The following UQCC1 variants were observed in gnomAD, a reference collection of about 807,000 sequenced individuals.
UQCC1 encodes ubiquinol-cytochrome c reductase complex assembly factor 1.
Under a neutral mutation model 48.0 loss-of-function variants are expected in UQCC1, and 38 were observed. That is an observed-to-expected ratio of 0.79 (90% CI 0.61 to 1.04). The LOEUF is 1.04. UQCC1 is among the 50% of genes least tolerant of loss of function. UQCC1 has a pLI of 0.00. For missense variants in UQCC1, 368 were observed against 381.8 expected, an observed-to-expected ratio of 0.96 and a Z score of 0.30; for synonymous variants, 111 against 129.2, an observed-to-expected ratio of 0.86 and a Z score of 0.95.
At chr20:35,317,039 G>A (rs1265381300) in intron 7 of UQCC1, among the ~76,000 whole-genome samples, 1 of 150,842 alleles carries the variant, frequency 6.6e-6, no homozygotes, top group Non-Finnish European at 1.5e-5. Context: ...GGGTTCAGGC[G>A]ATTCTCCTGC....
chr20:35,376,695 T>G (rs1384671962), intron 4 of UQCC1, among the ~76,000 whole-genome samples: 2 of 152,164 alleles, frequency 1.3e-5, no homozygotes, highest in African/African-American at 4.8e-5. Context: ...CCAGGCGCGG[T>G]GGCTCACACC....
chr20:35,321,252 C>CTGTGTGTGTGTG lies in UQCC1; in HGVS notation c.574-6499_574-6488dup, dbSNP rs58532328. ...CAATGATGACAAAATACAAACAAAA[C>CTGTGTGTGTGTG]TGTGTGTGTGTGTGTGTGTGTGTGT... On this transcript the variant is annotated intron_variant, in intron 7 of 9. Transcript: ENST00000374385. Among the ~76,000 whole-genome samples the CTGTGTGTGTGTG allele has an allele frequency of 1.7e-3, 246 of 147,320 alleles. 2 individuals are homozygous for CTGTGTGTGTGTG. The highest frequency in any genetic ancestry group is 2.9e-3 in the Non-Finnish European group (196 of 66,832).
At chr20:35,351,292 G>A (rs1026751889) in intron 6 of UQCC1, among the ~76,000 whole-genome samples, 1 of 151,292 alleles carries the variant, frequency 6.6e-6, no homozygotes, top group Non-Finnish European at 1.5e-5. Context: ...TCGAGACACT[G>A]CGGCAGGAGA....
Position 35,402,708 on chromosome 20 carries a change from G to A in UQCC1, c.25-8512C>T, listed in dbSNP as rs192531467. Among the ~76,000 whole-genome samples, 457 of 152,118 alleles carry A rather than the reference G, an allele frequency of 3.0e-3. 1 individual carries two copies. Among genetic ancestry groups the A allele is most frequent in the Non-Finnish European group, 5.6e-3 (378 of 67,990 alleles). ...CTCAGGAGGCTGAGGCACAAGGATC[G>A]CTTGAACCCGGGAGGCGGAGGTTGC... On this transcript the variant is annotated intron_variant, in intron 1 of 9. Transcript: ENST00000374385.
intron 1 of UQCC1, among the ~76,000 whole-genome samples, chr20:35,399,915 C>T (rs1305045383): frequency 2.1e-5 from 3 of 143,974 alleles, no homozygotes; most frequent in Non-Finnish European, 4.5e-5. Context: ...TCTACTGGCT[C>T]TACTCAGTCC....
intron 9 of UQCC1, among the ~76,000 whole-genome samples, chr20:35,305,576 G>A (rs771600137): frequency 1.3e-5 from 2 of 152,246 alleles, no homozygotes; most frequent in South Asian, 2.1e-4. Context: ...TGGCCATGCC[G>A]TGCCCTCTCC....
chr20:35,309,432 T>C (rs1171113790), intron 8 of UQCC1, among the ~76,000 whole-genome samples: 1 of 149,024 alleles, frequency 6.7e-6, no homozygotes, highest in African/African-American at 2.5e-5. Context: ...GACCCTGTCT[T>C]AGGAAAAAAA....
chr20:35,399,094 C>T (rs576866471), intron 1 of UQCC1, among the ~76,000 whole-genome samples: 12 of 152,254 alleles, frequency 7.9e-5, no homozygotes, highest in African/African-American at 2.9e-4. Flanking sequence ...TCCATTTTCC[C>T]TTATGAAAAA....
At chr20:35,339,093 C>A (rs1033696705) in intron 7 of UQCC1, among the ~76,000 whole-genome samples, 2 of 151,070 alleles carry the variant, frequency 1.3e-5, no homozygotes, top group Admixed American at 1.3e-4. Flanking sequence ...AAAAACCGGA[C>A]CTTTTTCAAA....
At chr20:35,392,139 T>A (rs576314921) in intron 2 of UQCC1, 1 of 859,576 alleles carries the variant, frequency 1.2e-6, no homozygotes, top group Non-Finnish European at 1.7e-6. Context: ...AAATTTACTA[T>A]GTGAAAACGC....
chr20:35,408,290 G>A (rs1481002480), intron 1 of UQCC1, among the ~76,000 whole-genome samples: 1 of 151,980 alleles, frequency 6.6e-6, no homozygotes, highest in African/African-American at 2.4e-5. Flanking sequence ...CTAGCTGGGT[G>A]TGTTGGCACA....
intron 1 of UQCC1, among the ~76,000 whole-genome samples, chr20:35,399,081 GC>G (rs1318370106): frequency 9.9e-5 from 15 of 152,026 alleles, no homozygotes; most frequent in African/African-American, 3.6e-4. Context: ...AACAATCTGG[GC>G]CTCCATTTTC....
chr20:35,409,796 T>C (rs1440118750), intron 1 of UQCC1, among the ~76,000 whole-genome samples: 3 of 141,830 alleles, frequency 2.1e-5, no homozygotes, highest in African/African-American at 7.6e-5. Context: ...CTAACAAGAA[T>C]GTTTCAGGAA....
chr20:35,308,197 C>G (rs773691148), intron 8 of UQCC1, among the ~76,000 whole-genome samples: 2 of 152,256 alleles, frequency 1.3e-5, no homozygotes, highest in Non-Finnish European at 2.9e-5. Context: ...GAAAAACATT[C>G]CACCTGTTCC....
Position 35,396,290 on chromosome 20 carries a change from T to C in UQCC1, c.25-2094A>G, listed in dbSNP as rs1237103803. On this transcript the variant is annotated intron_variant, in intron 1 of 9. Transcript: ENST00000374385. ...GTGAGCCACTGTGCCTGGCCTTTTTTTTTTTTTTTTTTTTTTTAAGAGACA... is the reference window on the plus strand; with the variant it reads ...GTGAGCCACTGTGCCTGGCCTTTTTCTTTTTTTTTTTTTTTTTAAGAGACA... Among the ~76,000 whole-genome samples, 3 of 145,668 alleles carry C rather than the reference T, an allele frequency of 2.1e-5. No individual in the cohort carries two copies. The South Asian group carries it at 6.6e-4, about 32-fold the overall frequency.
intron 7 of UQCC1, among the ~76,000 whole-genome samples, chr20:35,319,845 C>T (rs2061102938): frequency 6.6e-6 from 1 of 152,162 alleles, no homozygotes; most frequent in African/African-American, 2.4e-5. Flanking sequence ...GCTCTCTTTC[C>T]CCTTTTCACT....
chr20:35,303,969 G>T lies in UQCC1; in HGVS notation c.866C>A (p.Pro289His), dbSNP rs780310337. 1.9e-6 allele frequency: 3 copies of T among 1,614,182 alleles called. No homozygotes were observed. In the South Asian group the frequency reaches 3.3e-5, roughly 18 times the overall value. ...CTCGTCGTTGTAAGTCGGAGAATGG[G>T]GCTTCAGGATGCTCTGAGGATTCTT... ...VEKNPQSILK[P>H]HSPTYNDEGL Residue 289 changes from proline to histidine, a missense_variant, in exon 10 of 10, where the codon CCC becomes CAC. Physicochemically the swap from Pro to His is moderately conservative, Grantham distance 77. Coordinates refer to ENST00000374385, the MANE Select transcript of UQCC1 (RefSeq NM_018244.5).
intron 6 of UQCC1, among the ~76,000 whole-genome samples, chr20:35,358,198 A>G (rs974218998): frequency 1.3e-5 from 2 of 151,844 alleles, no homozygotes; most frequent in African/African-American, 4.8e-5. Flanking sequence ...TACTAAAAAT[A>G]CAAAAATTAG....
chr20:35,402,609 AAAC>A (rs869207355), intron 1 of UQCC1, among the ~76,000 whole-genome samples: 1 of 129,278 alleles, frequency 7.7e-6, no homozygotes, highest in Non-Finnish European at 1.6e-5. Context: ...ACAAACAAAC[AAAC>A]AAAATATATA....
Sources: gnomAD v4.1 joint callset for allele counts (sites outside exome capture counted in the v4.1 genomes callset) on GRCh38, gnomAD v4.1.1 for gene constraint, MANE v1.5 for transcripts, NCBI Gene and HGNC (gene_info 2026-07-23, HGNC 2026-07-21) for gene names.